SHTN1: variants seen among roughly 807,000 people sequenced by gnomAD.
The protein encoded by SHTN1 is shootin-1.
Under a neutral mutation model 83.1 loss-of-function variants are expected in SHTN1, and 42 were observed. The observed-to-expected ratio is 0.51, with a 90% confidence interval of 0.39 to 0.65. SHTN1 has a LOEUF of 0.65. Ranked by LOEUF, SHTN1 falls within the 30% of genes least tolerant of loss-of-function variation. The probability of loss-of-function intolerance (pLI) is 0.00; values close to 1 mark genes in which losing one functional copy is unlikely to be tolerated. For missense variants in SHTN1, 622 were observed against 737.8 expected (o/e 0.84, Z 1.82); for synonymous variants, 224 against 247.7 (o/e 0.90, Z 0.90).
At chr10:117,043,834 C>T (rs570919605) in intron 2 of SHTN1, among the ~76,000 whole-genome samples, 45 of 151,912 alleles carry the variant, frequency 3.0e-4, no homozygotes, top group African/African-American at 9.9e-4. Context: ...AGAGCAAGAC[C>T]CTGTCTCAAT....
chr10:116,904,206 C>T (rs1328830825), intron 15 of SHTN1, among the ~76,000 whole-genome samples: 1 of 152,194 alleles, frequency 6.6e-6, no homozygotes, highest in Non-Finnish European at 1.5e-5. Context: ...GAGACACCAA[C>T]CTATCCAACT....
rs1564927762 is a variant in SHTN1 at position 117,005,167 on chromosome 10, G to A, written c.-88C>T. ...GGGGAAGAAAAAGCAAGATGCCGGT[G>A]GCTTGCGGCTCCACTACCCGGAAGT... On this transcript the variant is annotated 5_prime_UTR_variant, in exon 1 of 17. Transcript: ENST00000355371. 3.2e-6 allele frequency: 5 copies of A among 1,544,760 alleles called. No homozygotes were observed. The highest frequency in any genetic ancestry group is 2.7e-5 in the African/African-American group (2 of 73,148).
intron 1 of SHTN1, among the ~76,000 whole-genome samples, chr10:117,118,572 C>T (rs1322891304): frequency 6.6e-6 from 1 of 152,128 alleles, no homozygotes; most frequent in African/African-American, 2.4e-5. Context: ...GAAAGGAAAT[C>T]AATACATTGA....
chr10:116,919,261 C>T (rs1341545311), intron 12 of SHTN1, among the ~76,000 whole-genome samples: 4 of 152,182 alleles, frequency 2.6e-5, no homozygotes, highest in Admixed American at 1.3e-4. Flanking sequence ...ATTAACAAGA[C>T]ACTATAAATA....
chr10:117,036,266 C>T (rs530786121), intron 2 of SHTN1, among the ~76,000 whole-genome samples: 1 of 152,216 alleles, frequency 6.6e-6, no homozygotes, highest in Non-Finnish European at 1.5e-5. Context: ...CCATATGATC[C>T]AGCAATCCCA....
intron 14 of SHTN1, among the ~76,000 whole-genome samples, chr10:116,908,411 C>T (rs994818466): frequency 5.3e-5 from 8 of 152,144 alleles, no homozygotes; most frequent in Non-Finnish European, 1.0e-4. Flanking sequence ...AAGAGTCACA[C>T]CATAAGGTAT....
chr10:117,067,882 G>A (rs535800343), intron 1 of SHTN1, among the ~76,000 whole-genome samples: 4 of 152,242 alleles, frequency 2.6e-5, no homozygotes, highest in South Asian at 4.1e-4. Context: ...CAGGTTCCTG[G>A]CATGAACAAT....
At chr10:117,063,855 T>C (rs928518008) in intron 1 of SHTN1, among the ~76,000 whole-genome samples, 7 of 152,228 alleles carry the variant, frequency 4.6e-5, no homozygotes, top group African/African-American at 2.4e-5. Flanking sequence ...GCAATGTTAC[T>C]TTTTCAAAGG....
At chr10:116,955,278 T>G (rs1849944592) in intron 4 of SHTN1, among the ~76,000 whole-genome samples, 1 of 152,178 alleles carries the variant, frequency 6.6e-6, no homozygotes. Flanking sequence ...GATGTTCCAA[T>G]GTCCACAGAA....
rs755160697 is a variant in SHTN1, at chr10:117,101,036, C to G, written c.-189+25271G>C. On this transcript the variant is annotated intron_variant, in intron 1 of 17. Transcript: ENST00000392901. ...CTAAGACCTAAGAAGGTTGAGAAACCCTTGAAGGATTTTAAGTGACATAAT... is the reference window on the plus strand; with the variant it reads ...CTAAGACCTAAGAAGGTTGAGAAACGCTTGAAGGATTTTAAGTGACATAAT... Among the ~76,000 whole-genome samples, 5 of 152,222 alleles carry G rather than the reference C, an allele frequency of 3.3e-5. No homozygotes were observed. In the South Asian group the frequency reaches 1.0e-3, roughly 32 times the overall value.
intron 9 of SHTN1, among the ~76,000 whole-genome samples, chr10:116,937,148 T>C (rs565977743): frequency 6.6e-6 from 1 of 152,330 alleles, no homozygotes; most frequent in African/African-American, 2.4e-5. Context: ...ATTGGGGGCA[T>C]TTATCCCATT....
At chr10:116,905,910 C>G (rs1847950991) in intron 15 of SHTN1, among the ~76,000 whole-genome samples, 1 of 152,156 alleles carries the variant, frequency 6.6e-6, no homozygotes, top group African/African-American at 2.4e-5. Flanking sequence ...ATTTTGAGGC[C>G]TAATACAGAC....
chr10:116,899,093 T>C (rs1847626036), intron 16 of SHTN1, among the ~76,000 whole-genome samples: 1 of 152,158 alleles, frequency 6.6e-6, no homozygotes, highest in Non-Finnish European at 1.5e-5. Context: ...ATTGAAAGCC[T>C]ACCATAAGGC....
At position 117,054,580 on chromosome 10, in the gene SHTN1, A is replaced by G. The variant is rs1852800554; in HGVS notation, c.-188-6070T>C. ...GCCACCATGCCTGGCTAATTTTTTT[A>G]ATATTTTTAGTAGAGACGAGGTTTC... is the stretch of plus-strand genomic sequence containing the variant. On this transcript the variant is annotated intron_variant, in intron 1 of 17. Coordinates refer to the SHTN1 transcript ENST00000392901. 2.0e-5 allele frequency among the ~76,000 whole-genome samples: 3 copies of G among 151,260 alleles called. No individual in the cohort carries two copies. The South Asian group carries it at 6.3e-4, about 32-fold the overall frequency.
chr10:116,983,187 G>A (rs1002946509), intron 1 of SHTN1, among the ~76,000 whole-genome samples: 1 of 152,140 alleles, frequency 6.6e-6, no homozygotes, highest in Non-Finnish European at 1.5e-5. Context: ...TGAGTCTCAG[G>A]TTCCTCATCT....
At chr10:116,988,327 C>CAA (rs573967132) in intron 1 of SHTN1, among the ~76,000 whole-genome samples, 2 of 151,668 alleles carry the variant, frequency 1.3e-5, no homozygotes, top group South Asian at 2.1e-4. Context: ...CACACACACA[C>CAA]AATCAATCAT....
At chr10:117,122,421 C>T (rs552325578) in intron 1 of SHTN1, among the ~76,000 whole-genome samples, 1 of 152,164 alleles carries the variant, frequency 6.6e-6, no homozygotes, top group Non-Finnish European at 1.5e-5. Flanking sequence ...TCAAGCGATC[C>T]TCTCACCCCC....
intron 1 of SHTN1, among the ~76,000 whole-genome samples, chr10:117,113,041 C>T (rs992261411): frequency 1.3e-5 from 2 of 152,222 alleles, no homozygotes; most frequent in African/African-American, 2.4e-5. Context: ...TAATGTCAGA[C>T]AGGCATGAAT....
At chr10:117,006,095 C>A (rs1398762734), upstream of SHTN1, among the ~76,000 whole-genome samples, 1 of 152,158 alleles carries the variant, frequency 6.6e-6, no homozygotes, top group Non-Finnish European at 1.5e-5. Flanking sequence ...GCGAGCTAAC[C>A]TTTGGTCAAG....
Sources: allele counts gnomAD v4.1 joint callset (sites outside exome capture counted in the v4.1 genomes callset), GRCh38; gene constraint gnomAD v4.1.1; transcripts MANE v1.5; gene names NCBI Gene and HGNC (gene_info 2026-07-23, HGNC 2026-07-21).